The following MGMT variants were observed in gnomAD, a reference collection of about 807,000 sequenced individuals.
The protein encoded by MGMT is methylated-DNA--protein-cysteine methyltransferase.
Under a neutral mutation model 15.9 loss-of-function variants are expected in MGMT, and 14 were observed. The ratio of observed to expected loss-of-function variants is 0.88; its 90% confidence interval spans 0.58 to 1.37. The LOEUF (loss-of-function observed/expected upper bound fraction) is 1.37. Among genes scored for constraint, MGMT ranks in the 40% most tolerant of loss-of-function variants. The pLI, the probability that MGMT is intolerant of heterozygous loss-of-function variation, is 0.00. For synonymous variants in MGMT, 130 were observed against 118.2 expected, an observed-to-expected ratio of 1.10 and a Z score of -0.65; for missense variants, 282 against 268.1, an observed-to-expected ratio of 1.05 and a Z score of -0.36.
At chr10:129,552,381 G>A (rs1157142983) in intron 2 of MGMT, among the ~76,000 whole-genome samples, 1 of 152,224 alleles carries the variant, frequency 6.6e-6, no homozygotes, top group Non-Finnish European at 1.5e-5. Flanking sequence ...GTGCAGACCT[G>A]TGTGCCCCCG....
At chr10:129,692,836 T>C (rs1370901197) in intron 2 of MGMT, among the ~76,000 whole-genome samples, 2 of 152,194 alleles carry the variant, frequency 1.3e-5, no homozygotes, top group Admixed American at 1.3e-4. Context: ...GCAGTGTCCA[T>C]GCAAGCCTGC....
chr10:129,496,054 C>T (rs1589835565), intron 1 of MGMT, among the ~76,000 whole-genome samples: 1 of 152,304 alleles, frequency 6.6e-6, no homozygotes, highest in Admixed American at 6.5e-5. Flanking sequence ...GAGCACAGAG[C>T]AATGGGAGGC....
At chr10:129,591,832 G>A (rs1402165264) in intron 2 of MGMT, among the ~76,000 whole-genome samples, 1 of 152,200 alleles carries the variant, frequency 6.6e-6, no homozygotes, top group African/African-American at 2.4e-5. Context: ...TTGGGAGGCT[G>A]AGGCAGGAGA....
intron 2 of MGMT, among the ~76,000 whole-genome samples, chr10:129,610,661 A>G (rs1313727275): frequency 6.6e-6 from 1 of 152,230 alleles, no homozygotes; most frequent in Non-Finnish European, 1.5e-5. Context: ...ACACACTTAT[A>G]AAGACTTGAT....
intron 1 of MGMT, among the ~76,000 whole-genome samples, chr10:129,482,872 A>G (rs978028187): frequency 6.6e-6 from 1 of 152,152 alleles, no homozygotes; most frequent in Non-Finnish European, 1.5e-5. Flanking sequence ...AAATTGGAGT[A>G]TTTAGACCAT....
intron 1 of MGMT, among the ~76,000 whole-genome samples, chr10:129,519,819 G>A (rs1236997887): frequency 6.6e-6 from 1 of 152,042 alleles, no homozygotes; most frequent in African/African-American, 2.4e-5. Flanking sequence ...TCAGTGGCTC[G>A]TGGGTGTTGA....
At chr10:129,756,376 C>T (rs866797642) in intron 3 of MGMT, among the ~76,000 whole-genome samples, 2 of 152,140 alleles carry the variant, frequency 1.3e-5, no homozygotes, top group Non-Finnish European at 2.9e-5. Context: ...CAGAATGTGG[C>T]GTTCGGAGGC....
intron 1 of MGMT, among the ~76,000 whole-genome samples, chr10:129,498,828 G>A (rs1273610166): frequency 1.3e-5 from 2 of 152,210 alleles, no homozygotes; most frequent in Non-Finnish European, 2.9e-5. Flanking sequence ...TGGGTGCTGA[G>A]TGTGCTTGCT....
chr10:129,637,798 G>A (rs951554513), intron 2 of MGMT, among the ~76,000 whole-genome samples: 1 of 152,214 alleles, frequency 6.6e-6, no homozygotes, highest in Non-Finnish European at 1.5e-5. Flanking sequence ...TGAAGTGGCA[G>A]CAAGGGGTGG....
At chr10:129,517,622 A>ATGTC (rs1225903247) in intron 1 of MGMT, among the ~76,000 whole-genome samples, 2 of 152,200 alleles carry the variant, frequency 1.3e-5, no homozygotes, top group African/African-American at 2.4e-5. Flanking sequence ...ATGAGGCCGT[A>ATGTC]TGTCGCACAA....
chr10:129,696,288 T>C (rs888700226), intron 2 of MGMT, among the ~76,000 whole-genome samples: 2 of 150,900 alleles, frequency 1.3e-5, no homozygotes, highest in African/African-American at 4.9e-5. Flanking sequence ...ATTTTTCTCA[T>C]TTCATCTCAT....
At position 129,532,801 on chromosome 10, in the gene MGMT, G is replaced by A. The variant is rs112252030; in HGVS notation, c.-12-3440G>A. ...TGGCACTGTCAGGTAGAGGAGTCAG[G>A]GGTCTTATTGATGAGGAAATAGAGG... is the stretch of plus-strand genomic sequence containing the variant. On this transcript the variant is annotated intron_variant, in intron 1 of 4. Transcript: ENST00000651593. This position sits in a 1 kb window ranked among gnomAD's most constrained non-coding sequence, Gnocchi z 5.3. Among the ~76,000 whole-genome samples the A allele has an allele frequency of 3.9e-5, 6 of 152,136 alleles. No homozygotes were observed. The highest frequency in any genetic ancestry group is 8.8e-5 in the Non-Finnish European group (6 of 68,024).
intron 2 of MGMT, among the ~76,000 whole-genome samples, chr10:129,667,305 A>G (rs1274879357): frequency 6.6e-6 from 1 of 152,174 alleles, no homozygotes; most frequent in African/African-American, 2.4e-5. Flanking sequence ...TTGTTGCCTA[A>G]GTATGCACCC....
At chr10:129,754,779 A>G (rs1848787037) in intron 3 of MGMT, among the ~76,000 whole-genome samples, 1 of 152,240 alleles carries the variant, frequency 6.6e-6, no homozygotes, top group South Asian at 2.1e-4. Context: ...AACCAATTCC[A>G]GCAGTAACAG....
chr10:129,552,363 A>T (rs533759637), intron 2 of MGMT, among the ~76,000 whole-genome samples: 1 of 152,300 alleles, frequency 6.6e-6, no homozygotes, highest in Admixed American at 6.5e-5. Flanking sequence ...ATCCAGGAGG[A>T]TGACTCTGTG....
At chr10:129,581,792 A>T (rs138839584) in intron 2 of MGMT, among the ~76,000 whole-genome samples, 1 of 152,342 alleles carries the variant, frequency 6.6e-6, no homozygotes, top group East Asian at 1.9e-4. Context: ...GAGCATGCCC[A>T]GTGGCCGTCC....
intron 2 of MGMT, among the ~76,000 whole-genome samples, chr10:129,681,796 C>A (rs1231709776): frequency 1.3e-5 from 2 of 152,130 alleles, no homozygotes; most frequent in Non-Finnish European, 2.9e-5. Context: ...TGGAGGCACT[C>A]ACCAGCATAT....
At chr10:129,614,971 T>G (rs1847006617) in intron 2 of MGMT, among the ~76,000 whole-genome samples, 1 of 152,138 alleles carries the variant, frequency 6.6e-6, no homozygotes, top group South Asian at 2.1e-4. Flanking sequence ...TGGTTTTTGT[T>G]TTTTGTTTTT....
chr10:129,617,940 A>AC (rs1847047252), intron 2 of MGMT, among the ~76,000 whole-genome samples: 1 of 150,590 alleles, frequency 6.6e-6, no homozygotes, highest in Non-Finnish European at 1.5e-5. Flanking sequence ...GGGAGAGTTT[A>AC]CCCCCTCCAG....
Sources: gnomAD v4.1 joint callset for allele counts (sites outside exome capture counted in the v4.1 genomes callset) on GRCh38, gnomAD v4.1.1 for gene constraint, Gnocchi (gnomAD v3.1) non-coding constraint, MANE v1.5 for transcripts, NCBI Gene and HGNC (gene_info 2026-07-23, HGNC 2026-07-21) for gene names.